Variants in TBC1D12 observed in about 807,000 individuals in gnomAD.
TBC1D12 encodes TBC1 domain family, member 12.
Under a neutral mutation model 86.7 loss-of-function variants are expected in TBC1D12, and 56 were observed. The ratio of observed to expected loss-of-function variants is 0.65; its 90% CI spans 0.52 to 0.81. The LOEUF (loss-of-function observed/expected upper bound fraction) is 0.81. TBC1D12 is among the 30% of genes least tolerant of loss of function. The pLI is 0.00. For missense variants in TBC1D12, 1,023 were observed against 1,038.8 expected (o/e 0.98, Z 0.21); for synonymous variants, 421 against 411.7 (o/e 1.02, Z -0.27).
chr10:94,415,286 C>T (rs1452754356), intron 1 of TBC1D12, among the ~76,000 whole-genome samples: 2 of 152,198 alleles, frequency 1.3e-5, no homozygotes, highest in Non-Finnish European at 2.9e-5. Flanking sequence ...TTTGTACTTA[C>T]ATAAGCCTTA....
At chr10:94,528,513 C>T (rs922792588) in intron 11 of TBC1D12, among the ~76,000 whole-genome samples, 1 of 152,116 alleles carries the variant, frequency 6.6e-6, no homozygotes, top group Admixed American at 6.6e-5. Context: ...AGCAGTTGAT[C>T]TTAAGACAGG....
intron 2 of TBC1D12, among the ~76,000 whole-genome samples, chr10:94,456,947 T>C (rs1307251291): frequency 6.6e-6 from 1 of 152,250 alleles, no homozygotes; most frequent in Non-Finnish European, 1.5e-5. Flanking sequence ...CTTTCCTTGC[T>C]CCGAAGTCTG....
intron 12 of TBC1D12, among the ~76,000 whole-genome samples, chr10:94,531,724 G>GTTATGTTATT (rs1564996690): frequency 8.1e-6 from 1 of 123,634 alleles, no homozygotes; most frequent in Non-Finnish European, 1.8e-5. Context: ...GTTATTTTAT[G>GTTATGTTATT]TTATTTTATG....
At chr10:94,511,350 G>A (rs552607335) in intron 8 of TBC1D12, among the ~76,000 whole-genome samples, 1 of 151,806 alleles carries the variant, frequency 6.6e-6, no homozygotes, top group African/African-American at 2.4e-5. Context: ...TGCCCATCTC[G>A]ACCTCCTAAA....
At chr10:94,441,831 A>C in intron 1 of TBC1D12, 65 bp from the exon 2 acceptor site, 1 of 1,529,580 alleles carries the variant, frequency 6.5e-7, no homozygotes, top group Non-Finnish European at 8.8e-7. Context: ...ACTTATTATA[A>C]AATTACTGTT....
Position 94,402,878 on chromosome 10 carries a change from C to T in TBC1D12, c.265C>T (p.Pro89Ser), listed in dbSNP as rs1411426044. 6.6e-7 allele frequency: 1 copy of T among 1,506,584 alleles called. No homozygotes were observed. Among genetic ancestry groups the T allele is most frequent in the Non-Finnish European group, 8.8e-7 (1 of 1,132,212 alleles). 93.3% of individuals were successfully genotyped at this position (1,506,584 alleles called of 1,614,324 possible). A position where few individuals can be genotyped will look rare whatever the true frequency, so the allele number is the denominator to read the frequency against. ...GCTGGAGCCGGGGCTCTGCTACTGT[C>T]CGCTCCCCGCTGGCCAGGCCGGCGC... ...EQLEPGLCYC[P>S]LPAGQAGAPP... The change falls in exon 1 of 13, where the codon CCG becomes TCG. Residue 89 changes from proline (P) to serine (S), a missense_variant. By Grantham distance (74) the Pro-to-Ser change is moderately conservative (BLOSUM62 -1). Coordinates refer to ENST00000225235, the MANE Select transcript of TBC1D12 (RefSeq NM_015188.2).
chr10:94,420,693 C>T (rs973253943), intron 1 of TBC1D12, among the ~76,000 whole-genome samples: 1 of 152,174 alleles, frequency 6.6e-6, no homozygotes, highest in Non-Finnish European at 1.5e-5. Flanking sequence ...TGCCTCAGTA[C>T]AGCATTACTT....
chr10:94,479,539 G>A (rs1205076858), intron 3 of TBC1D12, among the ~76,000 whole-genome samples: 2 of 152,084 alleles, frequency 1.3e-5, no homozygotes, highest in Non-Finnish European at 2.9e-5. Flanking sequence ...CTTGTAAAAG[G>A]AAATAAGAGA....
intron 11 of TBC1D12, among the ~76,000 whole-genome samples, chr10:94,523,328 C>T (rs964210668): frequency 7.9e-5 from 12 of 150,972 alleles, no homozygotes; most frequent in African/African-American, 2.2e-4. Flanking sequence ...GGGTGTTTTA[C>T]GTGGATTATC....
chr10:94,434,440 AG>A (rs1400954986), intron 1 of TBC1D12, among the ~76,000 whole-genome samples: 2 of 150,948 alleles, frequency 1.3e-5, no homozygotes, highest in Non-Finnish European at 3.0e-5. Context: ...CGGGAGATGG[AG>A]GTTGCAGTGA....
At chr10:94,442,556 C>G (rs2134091721) in intron 2 of TBC1D12, among the ~76,000 whole-genome samples, 1 of 152,278 alleles carries the variant, frequency 6.6e-6, no homozygotes, top group Non-Finnish European at 1.5e-5. Flanking sequence ...TCTGATATCT[C>G]TGTTAACATC....
intron 7 of TBC1D12, among the ~76,000 whole-genome samples, chr10:94,507,647 T>C (rs56175117): frequency 0.067 from 10,179 of 152,226 alleles, 451 homozygotes; most frequent in Non-Finnish European, 0.096. Context: ...ATTGAAATTA[T>C]GAGAATTAAA....
At chr10:94,450,773 C>A (rs964156327) in intron 2 of TBC1D12, among the ~76,000 whole-genome samples, 1 of 151,984 alleles carries the variant, frequency 6.6e-6, no homozygotes, top group African/African-American at 2.4e-5. Flanking sequence ...GGTATCCCAA[C>A]AACAGATGAA....
At chr10:94,432,083 T>C (rs982731631) in intron 1 of TBC1D12, among the ~76,000 whole-genome samples, 5 of 152,170 alleles carry the variant, frequency 3.3e-5, no homozygotes, top group Non-Finnish European at 5.9e-5. Context: ...TTGATTTATA[T>C]TTAAGAAATT....
chr10:94,522,322 T>G lies in TBC1D12; in HGVS notation c.1891-22T>G, dbSNP rs781557872. ...TTCTAGACTATATACTTTCATAATT[T>G]TATTGATTTTTTAATCTTTAGATGT... On this transcript the variant is annotated intron_variant, in intron 10 of 12. Transcript: ENST00000225235. 1.0e-5 allele frequency: 13 copies of G among 1,261,188 alleles called. No individual in the cohort carries two copies. The African/African-American group carries it at 1.8e-4, about 18-fold the overall frequency. The allele number at this position is 1,261,188 out of a possible 1,614,324, so 78.1% of individuals were successfully genotyped here.
chr10:94,513,076 G>A (rs956612098), intron 9 of TBC1D12, among the ~76,000 whole-genome samples: 7 of 151,636 alleles, frequency 4.6e-5, no homozygotes, highest in Non-Finnish European at 8.8e-5. Context: ...GTGAAACCTC[G>A]TCTCTACTGA....
chr10:94,524,489 C>T (rs1842236965), intron 11 of TBC1D12, among the ~76,000 whole-genome samples: 1 of 151,934 alleles, frequency 6.6e-6, no homozygotes, highest in Admixed American at 6.6e-5. Context: ...GCCTGTAATC[C>T]CAGTACTTTG....
At chr10:94,520,444 G>A (rs904844200) in intron 9 of TBC1D12, among the ~76,000 whole-genome samples, 2 of 152,016 alleles carry the variant, frequency 1.3e-5, no homozygotes, top group Non-Finnish European at 2.9e-5. Context: ...CCAGCTACTC[G>A]GGAGGCTGAG....
At position 94,403,471 on chromosome 10, in the gene TBC1D12, C is replaced by A; in HGVS notation, c.858C>A (p.Arg286=). The part of the protein sequence containing the change: ...TFQVSRGQSA[R]DHLPPAGPPV... ...AGGTGAGCCGCGGTCAGAGCGCCCG[C>A]GATCACCTGCCCCCGGCGGGGCCGC... Residue 286 remains arginine (R), a synonymous_variant, in exon 1 of 13, where the codon CGC becomes CGA. Transcript: ENST00000225235. The A allele has an allele frequency of 6.5e-7, 1 of 1,542,512 alleles. No individual in the cohort carries two copies. Among genetic ancestry groups the A allele is most frequent in the Non-Finnish European group, 8.7e-7 (1 of 1,144,898 alleles).
Sources: gnomAD v4.1 joint callset for allele counts (sites outside exome capture counted in the v4.1 genomes callset) on GRCh38, gnomAD v4.1.1 for gene constraint, MANE v1.5 for transcripts, NCBI Gene and HGNC (gene_info 2026-07-23, HGNC 2026-07-21) for gene names.